The following PSMD4 variants were observed in gnomAD, a reference collection of about 807,000 sequenced individuals.
The protein encoded by PSMD4 is proteasome 26S subunit ubiquitin receptor, non-ATPase 4.
PSMD4 carries 5 observed loss-of-function variants against 39.7 expected under a neutral mutation model. The ratio of observed to expected loss-of-function variants is 0.13; its 90% CI spans 0.07 to 0.26. PSMD4 has a LOEUF of 0.26. PSMD4 is among the 10% of genes least tolerant of loss of function. The pLI is 1.00. For missense variants in PSMD4, 272 were observed against 486.1 expected (o/e 0.56, Z 4.14); for synonymous variants, 143 against 174.6 (o/e 0.82, Z 1.43).
At position 151,264,042 on chromosome 1, in the gene PSMD4, G is replaced by C; in HGVS notation, c.282+14G>C. The C allele has an allele frequency of 6.5e-7, 1 of 1,545,648 alleles. No individual in the cohort carries two copies. The highest frequency in any genetic ancestry group is 8.8e-7 in the Non-Finnish European group (1 of 1,133,454). On this transcript the variant is annotated intron_variant, in intron 3 of 9. Coordinates refer to ENST00000368884, the MANE Select transcript of PSMD4 (RefSeq NM_002810.4). ...CGCGTGGCCCATGTGAGTCCTACTGGGTTCCCTGGACCTTTCCTCCCTGCT... is the reference window on the plus strand; with the variant it reads ...CGCGTGGCCCATGTGAGTCCTACTGCGTTCCCTGGACCTTTCCTCCCTGCT...
At chr1:151,256,359 ATAAT>A (rs376150673) in intron 1 of PSMD4, among the ~76,000 whole-genome samples, 11,222 of 49,598 alleles carry the variant, frequency 0.23, 870 homozygotes, top group East Asian at 0.31. Flanking sequence ...AAAAAAAATA[ATAAT>A]AAAATAAATA....
At chr1:151,262,387 C>T in intron 2 of PSMD4, 86 bp downstream of exon 2, 1 of 1,535,684 alleles carries the variant, frequency 6.5e-7, no homozygotes, top group Admixed American at 1.7e-5. Flanking sequence ...GCTGCTTTTG[C>T]CCATCACCTT....
intron 1 of PSMD4, 109 bp from the exon 2 acceptor site, chr1:151,262,052 C>T: frequency 8.6e-7 from 1 of 1,165,174 alleles, no homozygotes. Context: ...AAAAAAGCTA[C>T]AGGTGATGCT....
rs587733224 is a variant in PSMD4 at position 151,265,125 on chromosome 1, G to T, written c.370-41G>T. 2.4e-5 allele frequency: 37 copies of T among 1,558,042 alleles called. No homozygotes were observed. The South Asian group carries it at 4.1e-4, about 17-fold the overall frequency. On this transcript the variant is annotated intron_variant, in intron 4 of 9. Coordinates refer to ENST00000368884, the MANE Select transcript of PSMD4 (RefSeq NM_002810.4). ...GCGGCGGGTCCTTTCCCCCCCTCGA[G>T]TATGGAACAGATTTCTTGATTTTTC...
At chr1:151,260,635 A>G (rs1163014560) in intron 1 of PSMD4, among the ~76,000 whole-genome samples, 1 of 151,958 alleles carries the variant, frequency 6.6e-6, no homozygotes, top group African/African-American at 2.4e-5. Context: ...TCTCAGGTTC[A>G]GGTGATTCTC....
chr1:151,267,029 T>C (rs1477451766), intron 9 of PSMD4, 144 bp from the exon 10 acceptor site: 1 of 1,004,760 alleles, frequency 1.0e-6, no homozygotes, highest in African/African-American at 1.6e-5. Context: ...TGACTTGTCC[T>C]TTCCTTACGT....
chr1:151,264,958 G>A (rs1277958651), intron 4 of PSMD4, 40 bp downstream of exon 4: 18 of 1,552,716 alleles, frequency 1.2e-5, no homozygotes, highest in Non-Finnish European at 1.6e-5. Flanking sequence ...GGGAGCCCAT[G>A]TTTGGGACTG....
At chr1:151,264,340 TAAA>T (rs10535117) in intron 3 of PSMD4, among the ~76,000 whole-genome samples, 290 of 140,198 alleles carry the variant, frequency 2.1e-3, no homozygotes, top group Non-Finnish European at 2.2e-3. Flanking sequence ...CCTGTTTCTC[TAAA>T]AAAAAAAAAA....
chr1:151,261,234 G>A (rs1693312895), intron 1 of PSMD4, among the ~76,000 whole-genome samples: 1 of 145,406 alleles, frequency 6.9e-6, no homozygotes, highest in Non-Finnish European at 1.5e-5. Context: ...CCAGGCTGGA[G>A]TACAATGGTG....
intron 2 of PSMD4, among the ~76,000 whole-genome samples, chr1:151,263,155 A>G (rs1258569444): frequency 1.3e-5 from 2 of 152,196 alleles, no homozygotes; most frequent in Non-Finnish European, 2.9e-5. Context: ...TCCATTAAAT[A>G]CTAGATGTTT....
intron 3 of PSMD4, among the ~76,000 whole-genome samples, chr1:151,264,437 C>T (rs1213901202): frequency 1.3e-5 from 2 of 151,530 alleles, no homozygotes; most frequent in East Asian, 1.9e-4. Context: ...GTCACGAGTT[C>T]GAGACCAATC....
intron 6 of PSMD4, 150 bp downstream of exon 6, chr1:151,265,759 A>C: frequency 1.0e-6 from 1 of 966,266 alleles, no homozygotes; most frequent in Non-Finnish European, 1.5e-6. Flanking sequence ...TCTTCCCTAT[A>C]ATGCTGTCTG....
chr1:151,260,848 ATTT>A (rs111878731), intron 1 of PSMD4, among the ~76,000 whole-genome samples: 10 of 136,414 alleles, frequency 7.3e-5, no homozygotes, highest in Admixed American at 2.2e-4. Flanking sequence ...TATTTTATAG[ATTT>A]TTTTTTTTTT....
intron 1 of PSMD4, 97 bp downstream of exon 1, chr1:151,254,905 G>T: frequency 7.3e-7 from 1 of 1,371,540 alleles, no homozygotes; most frequent in South Asian, 1.7e-5. Flanking sequence ...AGGGGCTCAT[G>T]GGCGAGAGGC....
At chr1:151,258,008 C>G (rs1025712357) in intron 1 of PSMD4, among the ~76,000 whole-genome samples, 2 of 151,590 alleles carry the variant, frequency 1.3e-5, no homozygotes, top group Non-Finnish European at 2.9e-5. Context: ...TAGTTGTATT[C>G]CTAGGTTTGT....
intron 9 of PSMD4, chr1:151,266,907 C>T (rs758755670): frequency 4.1e-5 from 29 of 706,534 alleles, no homozygotes; most frequent in Non-Finnish European, 7.4e-5. Context: ...GAGCAGGAAA[C>T]CTCAATGTGA....
chr1:151,266,759 G>A (rs1177353037), intron 9 of PSMD4, 172 bp downstream of exon 9: 1 of 878,922 alleles, frequency 1.1e-6, no homozygotes, highest in Non-Finnish European at 1.8e-6. Context: ...CTAATGGTCA[G>A]AGTTGGAGAA....
At position 151,265,251 on chromosome 1, in the gene PSMD4, T is replaced by G; in HGVS notation, c.438+17T>G. 6.2e-7 allele frequency: 1 copy of G among 1,609,352 alleles called. No homozygotes were observed. Among genetic ancestry groups the G allele is most frequent in the Non-Finnish European group, 8.5e-7 (1 of 1,176,182 alleles). On this transcript the variant is annotated intron_variant, in intron 5 of 9. Transcript: ENST00000368884. ...GGGGAAGAGGTGAGTAGGGACTGAT[T>G]GGAGGGCATTGACTTAATTTGGTCA...
intron 1 of PSMD4, 135 bp from the exon 2 acceptor site, chr1:151,262,026 G>T: frequency 1.2e-6 from 1 of 834,132 alleles, no homozygotes; most frequent in Non-Finnish European, 1.9e-6. Context: ...TTGATCATCT[G>T]TATATTTAAA....
Sources: allele counts gnomAD v4.1 joint callset (sites outside exome capture counted in the v4.1 genomes callset), GRCh38; gene constraint gnomAD v4.1.1; transcripts MANE v1.5; gene names NCBI Gene and HGNC (gene_info 2026-07-23, HGNC 2026-07-21).